The following IFT80 variants were observed in gnomAD, a reference collection of about 807,000 sequenced individuals.
IFT80 encodes the protein intraflagellar transport protein 80 homolog.
A neutral mutation model predicts 107.9 loss-of-function variants in IFT80; 79 were observed. The ratio of observed to expected loss-of-function variants is 0.73; its 90% CI spans 0.61 to 0.88. The LOEUF is 0.88. Among genes scored for constraint, IFT80 ranks in the 40% least tolerant of loss-of-function variants. The pLI, the probability that IFT80 is intolerant of heterozygous loss-of-function variation, is 0.00. For missense variants in IFT80, 797 were observed against 914.2 expected (o/e 0.87, Z 1.65); for synonymous variants, 299 against 300.9 (o/e 0.99, Z 0.07).
intron 8 of IFT80, among the ~76,000 whole-genome samples, chr3:160,354,445 C>A (rs1335997641): frequency 6.6e-6 from 1 of 151,880 alleles, no homozygotes; most frequent in Non-Finnish European, 1.5e-5. Flanking sequence ...GTCAGGAGAT[C>A]GAGACCATCC....
At position 160,381,553 on chromosome 3, in the gene IFT80, C is replaced by T. The variant is rs752892324; in HGVS notation, c.209G>A (p.Gly70Asp). 1.4e-5 allele frequency: 23 copies of T among 1,613,670 alleles called. No homozygotes were observed. In the East Asian group the frequency reaches 4.0e-4, roughly 28 times the overall value. Residue 70 changes from glycine (G) to aspartate (D), a missense_variant, in exon 3 of 20, where the codon GGT becomes GAT. By Grantham distance (94) the Gly-to-Asp change is moderately conservative (BLOSUM62 -1). Coordinates refer to ENST00000326448, the MANE Select transcript of IFT80 (RefSeq NM_020800.3). ...TTCTGCCTGGGTTTGTTTCTTTACA[C>T]CCAAACTTTTTGGAAACCAGTGAAA... ...IDFHWFPKSL[G>D]VKKQTQAESF...
intron 15 of IFT80, 63 bp from the exon 16 acceptor site, chr3:160,279,427 A>G: frequency 1.4e-6 from 2 of 1,396,378 alleles, no homozygotes; most frequent in Non-Finnish European, 2.0e-6. Flanking sequence ...TTTCATGTAT[A>G]TTAAATTTGG....
chr3:160,341,346 A>T (rs1048555837), intron 8 of IFT80, among the ~76,000 whole-genome samples: 2 of 55,890 alleles, frequency 3.6e-5, no homozygotes, highest in African/African-American at 9.4e-5. Flanking sequence ...CAATGATTAA[A>T]AAAAAAAAAA....
rs962484152 is a variant in IFT80 at position 160,338,895 on chromosome 3, T to C, written c.777+17118A>G. The stretch of plus-strand genomic sequence containing the variant: ...ATTGGAGAAGAAATATAATTTCTCC[T>C]CAACCCTTGTTAAGTTTATTGCTGG... On this transcript the variant is annotated intron_variant, in intron 8 of 19. Coordinates refer to ENST00000326448, the MANE Select transcript of IFT80 (RefSeq NM_020800.3). 3.9e-5 allele frequency among the ~76,000 whole-genome samples: 6 copies of C among 152,180 alleles called. No individual in the cohort carries two copies. The East Asian group carries it at 7.7e-4, about 20-fold the overall frequency.
intron 10 of IFT80, among the ~76,000 whole-genome samples, chr3:160,305,078 G>A (rs1716741983): frequency 6.6e-6 from 1 of 152,102 alleles, no homozygotes; most frequent in African/African-American, 2.4e-5. Flanking sequence ...ATCGGGGTGG[G>A]TAAAGAGAAC....
At chr3:160,292,273 C>T (rs1338521037) in intron 12 of IFT80, among the ~76,000 whole-genome samples, 1 of 152,170 alleles carries the variant, frequency 6.6e-6, no homozygotes, top group East Asian at 1.9e-4. Context: ...AAGGAACATA[C>T]CTTACAATCC....
chr3:160,325,421 G>C (rs904737392), intron 8 of IFT80, among the ~76,000 whole-genome samples: 1 of 152,022 alleles, frequency 6.6e-6, no homozygotes, highest in African/African-American at 2.4e-5. Context: ...ATTTATCTAA[G>C]AACTTACAGA....
intron 14 of IFT80, 92 bp downstream of exon 14, chr3:160,282,386 T>G: frequency 1.1e-6 from 1 of 944,662 alleles, no homozygotes; most frequent in Non-Finnish European, 1.6e-6. Flanking sequence ...GATCAAAACA[T>G]TAAAACATTT....
At chr3:160,362,300 A>G (rs1721549017) in intron 6 of IFT80, among the ~76,000 whole-genome samples, 1 of 152,216 alleles carries the variant, frequency 6.6e-6, no homozygotes, top group Non-Finnish European at 1.5e-5. Context: ...ACTCCTGGAC[A>G]CATATGCCCT....
At position 160,257,190 on chromosome 3, in the gene IFT80, G is replaced by A. The variant is rs1712435165; in HGVS notation, c.*1335C>T. 2.6e-5 allele frequency: 4 copies of A among 151,766 alleles called. No homozygotes were observed. The highest frequency in any genetic ancestry group is 9.7e-5 in the African/African-American group (4 of 41,250). 9.4% of individuals were successfully genotyped at this position (151,766 alleles called of 1,614,324 possible). On this transcript the variant is annotated 3_prime_UTR_variant, in exon 20 of 20. Transcript: ENST00000326448. ...AAGAACAGAATATTCCAATATTCCG[G>A]AAAAGAAAAGAAACATGTTAAAAAG...
intron 19 of IFT80, among the ~76,000 whole-genome samples, chr3:160,267,263 A>G (rs1713412072): frequency 6.6e-6 from 1 of 152,154 alleles, no homozygotes; most frequent in South Asian, 2.1e-4. Context: ...TTTAATAGAA[A>G]TTGTGGGTGC....
At chr3:160,286,870 G>A (rs1310613602) in intron 12 of IFT80, among the ~76,000 whole-genome samples, 1 of 151,966 alleles carries the variant, frequency 6.6e-6, no homozygotes, top group Non-Finnish European at 1.5e-5. Context: ...AAAACCCTGA[G>A]AATTTCCTGA....
chr3:160,277,684 T>A lies in IFT80; in HGVS notation c.1837-14A>T, dbSNP rs1416912675. 3 of 1,572,640 alleles carry A rather than the reference T, an allele frequency of 1.9e-6. No homozygotes were observed. The South Asian group carries it at 3.3e-5, about 17-fold the overall frequency. On this transcript the variant is annotated splice_polypyrimidine_tract_variant and intron_variant, in intron 16 of 19. Transcript: ENST00000326448. ...CATGGTTTGCTCCTAAAGTAAAGTA[T>A]GAGAACAATTATCTTAACTATGTGA...
At chr3:160,330,282 T>C (rs1468723089) in intron 8 of IFT80, among the ~76,000 whole-genome samples, 1 of 152,192 alleles carries the variant, frequency 6.6e-6, no homozygotes, top group Non-Finnish European at 1.5e-5. Context: ...CTCTAGGTGA[T>C]TTTAATAAAG....
rs74473019 is a variant in IFT80, at chr3:160,359,208, C to T, written c.550-1630G>A. On this transcript the variant is annotated intron_variant, in intron 6 of 19. Coordinates refer to ENST00000326448, the MANE Select transcript of IFT80 (RefSeq NM_020800.3). ...TACTTTAAGTCCTGTTTCTCTCTAG[C>T]TAATTTTGGCAATGGATACTTTGAT... Among the ~76,000 whole-genome samples, 1,182 of 152,286 alleles carry T rather than the reference C, an allele frequency of 7.8e-3. 22 individuals are homozygous for T. Among genetic ancestry groups the T allele is most frequent in the African/African-American group, 0.027 (1,133 of 41,554 alleles).
At chr3:160,332,611 G>C (rs1307031769) in intron 8 of IFT80, among the ~76,000 whole-genome samples, 4 of 152,132 alleles carry the variant, frequency 2.6e-5, no homozygotes, top group African/African-American at 4.8e-5. Context: ...CAAAAGTCAG[G>C]GGCAAGACAA....
chr3:160,357,620 G>T, intron 6 of IFT80, 42 bp from the exon 7 acceptor site: 2 of 1,339,942 alleles, frequency 1.5e-6, no homozygotes, highest in Non-Finnish European at 2.1e-6. Context: ...AAGTTTAAAA[G>T]CACTTAAGTT....
chr3:160,377,204 C>G (rs1443646192), intron 4 of IFT80, among the ~76,000 whole-genome samples: 2 of 152,188 alleles, frequency 1.3e-5, no homozygotes, highest in African/African-American at 2.4e-5. Flanking sequence ...CATACGTGAC[C>G]ATTCCAAAAG....
At chr3:160,398,904 G>T (rs542322511) in intron 1 of IFT80, among the ~76,000 whole-genome samples, 2 of 152,022 alleles carry the variant, frequency 1.3e-5, no homozygotes, top group Non-Finnish European at 2.9e-5. Flanking sequence ...TCATTATTGC[G>T]CTATTCACAT....
Sources: allele counts gnomAD v4.1 joint callset (sites outside exome capture counted in the v4.1 genomes callset), GRCh38; gene constraint gnomAD v4.1.1; transcripts MANE v1.5; gene names NCBI Gene and HGNC (gene_info 2026-07-23, HGNC 2026-07-21).